The following NT5DC4 variants were observed in gnomAD, a reference collection of about 807,000 sequenced individuals.
The protein encoded by NT5DC4 is 5'-nucleotidase domain-containing protein 4.
In NT5DC4, 44 loss-of-function variants were observed where a neutral mutation model predicts 26.6. The ratio of observed to expected loss-of-function variants is 1.65; its 90% CI spans 1.30 to 2.13. The LOEUF is 2.13. Among genes scored for constraint, NT5DC4 ranks in the 30% most tolerant of loss-of-function variants. The pLI is 0.00. For missense variants in NT5DC4, 399 were observed against 228.1 expected (o/e 1.75, Z -4.83); for synonymous variants, 157 against 86.7 (o/e 1.81, Z -4.51).
chr2:112,725,638 G>A (rs969087018), intron 13 of NT5DC4, 86 bp downstream of exon 13: 3 of 585,702 alleles, frequency 5.1e-6, no homozygotes, highest in Non-Finnish European at 6.2e-6. Context: ...TTTCCCGTGG[G>A]GGGTTAGTAG....
Position 112,723,092 on chromosome 2 carries a change from G to A in NT5DC4, c.539G>A (p.Gly180Asp). ...GCSRYTNCDT[G>D]YQHGNLFMSF... is the part of the protein sequence containing the mutation. ...TTTGCCTGCCCCAGTTGTGACACCG[G>A]CTATCAGCATGGGAACCTCTTCATG... Residue 180 changes from glycine (G) to aspartate (D), a missense_variant, in exon 7 of 17, where the codon GGC (glycine) becomes GAC (aspartate). Physicochemically the swap from Gly to Asp is moderately conservative, Grantham distance 94 (BLOSUM62 -1). Coordinates refer to ENST00000688554, the MANE Select transcript of NT5DC4 (RefSeq NM_001393655.1). 2 of 716,042 alleles carry A rather than the reference G, an allele frequency of 2.8e-6. No homozygotes were observed. The highest frequency in any genetic ancestry group is 2.6e-6 in the Non-Finnish European group (1 of 384,354). The allele number at this position is 716,042 out of a possible 1,614,324, so 44.4% of individuals were successfully genotyped here. A position where few individuals can be genotyped will look rare whatever the true frequency, so the allele number is the denominator to read the frequency against.
intron 16 of NT5DC4, chr2:112,736,642 TGA>T (rs1171182899): frequency 3.3e-5 from 5 of 152,224 alleles, no homozygotes; most frequent in African/African-American, 1.2e-4. Context: ...TCTGTGTACT[TGA>T]GCTCTTTCTT....
intron 16 of NT5DC4, among the ~76,000 whole-genome samples, chr2:112,734,266 A>G (rs1160001587): frequency 6.6e-6 from 1 of 151,618 alleles, no homozygotes; most frequent in Admixed American, 6.6e-5. Context: ...TTGAGAAAAA[A>G]CAGAATTTAT....
downstream of NT5DC4, among the ~76,000 whole-genome samples, chr2:112,741,517 A>G (rs1447101074): frequency 6.6e-6 from 1 of 152,226 alleles, no homozygotes; most frequent in East Asian, 1.9e-4. Flanking sequence ...AATGAAAGGA[A>G]GGAAATCAGA....
At chr2:112,719,976 TTCTTTC>T (rs1191665958), upstream of NT5DC4, among the ~76,000 whole-genome samples, 7 of 126,448 alleles carry the variant, frequency 5.5e-5, no homozygotes, top group South Asian at 2.4e-4. Context: ...CTTTCTTTCT[TTCTTTC>T]TTTCTTTTTC....
chr2:112,720,742 T>C (rs1332158546), upstream of NT5DC4, among the ~76,000 whole-genome samples: 2 of 152,222 alleles, frequency 1.3e-5, no homozygotes, highest in Non-Finnish European at 2.9e-5. Flanking sequence ...CTCCTGACTT[T>C]GTATCCCGTC....
chr2:112,723,407 C>T lies in NT5DC4; in HGVS notation c.622-11C>T, dbSNP rs1486739350. 1.7e-5 allele frequency: 10 copies of T among 598,952 alleles called. No homozygotes were observed. Among genetic ancestry groups the T allele is most frequent in the Non-Finnish European group, 9.0e-6 (3 of 333,564 alleles). The allele number at this position is 598,952 out of a possible 1,614,324, so 37.1% of individuals were successfully genotyped here. ...CACACACACACACAGGCACTTTGCT[C>T]CCTCCTGCAGGGCTGTCTCAAGAAG... On this transcript the variant is annotated splice_polypyrimidine_tract_variant and intron_variant, in intron 7 of 16. Coordinates refer to ENST00000688554, the MANE Select transcript of NT5DC4 (RefSeq NM_001393655.1).
intron 11 of NT5DC4, 127 bp downstream of exon 11, chr2:112,725,033 C>A: frequency 1.5e-6 from 1 of 650,118 alleles, no homozygotes; most frequent in Admixed American, 2.3e-5. Flanking sequence ...AACCCGAGGC[C>A]GCCTTCAGCG....
Position 112,725,447 on chromosome 2 carries a change from C to T in NT5DC4, c.1048C>T (p.His350Tyr), listed in dbSNP as rs573955854. The T allele has an allele frequency of 2.8e-6, 2 of 717,138 alleles. No individual in the cohort carries two copies. The highest frequency in any genetic ancestry group is 3.0e-5 in the South Asian group (2 of 67,576). The allele number at this position is 717,138 out of a possible 1,614,324, so 44.4% of individuals were successfully genotyped here. Residue 350 changes from histidine to tyrosine, a missense_variant, in exon 13 of 17, where the codon CAC (histidine) becomes TAC (tyrosine). Transcript: ENST00000688554. ...GATGGACATCCTGTACATTGGGGAC[C>T]ACATTTTTGGGGACATTCTCAAGTC... ...RGMDILYIGD[H>Y]IFGDILKSKK...
chr2:112,733,528 T>C (rs1200278791), intron 16 of NT5DC4, among the ~76,000 whole-genome samples: 1 of 152,202 alleles, frequency 6.6e-6, no homozygotes, highest in East Asian at 1.9e-4. Flanking sequence ...AGGAGGGGCA[T>C]ACCTTCCCGT....
intron 16 of NT5DC4, among the ~76,000 whole-genome samples, chr2:112,732,702 C>G (rs1558741112): frequency 6.6e-6 from 1 of 152,320 alleles, no homozygotes; most frequent in African/African-American, 2.4e-5. Context: ...GATAAACAAT[C>G]TGGCAGAAAT....
intron 15 of NT5DC4, 29 bp downstream of exon 15, chr2:112,726,767 A>G: frequency 1.4e-6 from 1 of 717,378 alleles, no homozygotes; most frequent in Non-Finnish European, 2.6e-6. Context: ...GGGAAGGGAC[A>G]GGCCCAGCAG....
intron 15 of NT5DC4, 125 bp downstream of exon 15, chr2:112,726,863 C>A: frequency 1.5e-6 from 1 of 681,582 alleles, no homozygotes; most frequent in Non-Finnish European, 2.7e-6. Context: ...TCTCCTCAGC[C>A]TCGCCTGGGC....
chr2:112,727,637 C>G (rs920343442), intron 15 of NT5DC4, among the ~76,000 whole-genome samples: 2 of 152,186 alleles, frequency 1.3e-5, no homozygotes, highest in African/African-American at 2.4e-5. Flanking sequence ...AAGTGTGCAG[C>G]CTGTGGGTCT....
chr2:112,731,571 G>C (rs1329919263), intron 16 of NT5DC4: 1 of 152,092 alleles, frequency 6.6e-6, no homozygotes, highest in East Asian at 1.9e-4. Flanking sequence ...CTTTGAGTTT[G>C]TGTATACACA....
chr2:112,728,502 C>T (rs908551), intron 15 of NT5DC4, among the ~76,000 whole-genome samples: 62,601 of 151,966 alleles, frequency 0.41, 13,842 homozygotes, highest in East Asian at 0.69. Context: ...GGAACCTGCA[C>T]GTGTCAGTCC....
rs922610729 is a variant in NT5DC4 at position 112,722,296 on chromosome 2, C to G, written c.362+18C>G. 5 of 716,752 alleles carry G rather than the reference C, an allele frequency of 7.0e-6. No individual in the cohort carries two copies. The highest frequency in any genetic ancestry group is 7.8e-6 in the Non-Finnish European group (3 of 385,060). 44.4% of individuals were successfully genotyped at this position (716,752 alleles called of 1,614,324 possible). A position where few individuals can be genotyped will look rare whatever the true frequency, so the allele number is the denominator to read the frequency against. On this transcript the variant is annotated intron_variant, in intron 4 of 16. Coordinates refer to ENST00000688554, the MANE Select transcript of NT5DC4 (RefSeq NM_001393655.1). ...CTCTCGGAGTAAGGGACAAAGGTGC[C>G]GGGAGAGTGGCAGGCCAGGAGGGGA...
intron 15 of NT5DC4, among the ~76,000 whole-genome samples, chr2:112,727,682 G>T (rs1029636296): frequency 3.3e-5 from 5 of 152,212 alleles, no homozygotes; most frequent in Non-Finnish European, 7.3e-5. Flanking sequence ...AGAGTCACAG[G>T]TTTCAATGTC....
In NT5DC4 at chr2:112,726,750, G is replaced by A. The variant is rs541720992; in HGVS notation, c.1266+12G>A. On this transcript the variant is annotated intron_variant, in intron 15 of 16. Transcript: ENST00000688554. Reference sequence around the variant, plus strand: ...AGAGAGAGATCCAGGTGGGAGCTGGGTGGCGAGGGAAGGGACAGGCCCAGC... The same window carrying A: ...AGAGAGAGATCCAGGTGGGAGCTGGATGGCGAGGGAAGGGACAGGCCCAGC... 5.6e-6 allele frequency: 4 copies of A among 717,512 alleles called. No individual in the cohort carries two copies. Among genetic ancestry groups the A allele is most frequent in the Non-Finnish European group, 7.8e-6 (3 of 385,090 alleles). 44.4% of individuals were successfully genotyped at this position (717,512 alleles called of 1,614,324 possible).
Sources: gnomAD v4.1 joint callset for allele counts (sites outside exome capture counted in the v4.1 genomes callset) on GRCh38, gnomAD v4.1.1 for gene constraint, MANE v1.5 for transcripts, NCBI Gene and HGNC (gene_info 2026-07-23, HGNC 2026-07-21) for gene names.